LAMA1: variants seen among roughly 807,000 people sequenced by gnomAD.
The protein encoded by LAMA1 is laminin subunit alpha-1.
In LAMA1, 219 loss-of-function variants were observed where a neutral mutation model predicts 348.7. The observed-to-expected ratio is 0.63, with a 90% confidence interval of 0.56 to 0.70. The LOEUF (loss-of-function observed/expected upper bound fraction) is 0.70, where lower values mean the gene tolerates loss of function less well. Among genes scored for constraint, LAMA1 ranks in the 30% least tolerant of loss-of-function variants. The pLI is 0.00. For synonymous variants in LAMA1, 1,487 were observed against 1,491.0 expected (o/e 1.00, Z 0.06); for missense variants, 3,744 against 3,888.0 (o/e 0.96, Z 0.99).
chr18:6,977,833 A>C lies in LAMA1; in HGVS notation c.6239T>G (p.Leu2080Arg), dbSNP rs1239784187. Reference sequence around the variant, plus strand: ...CAAAGGCTTCAACCGATCAAACAAAAGGTTGGCTTGAATTTCCACGTCTTT... The same window carrying C: ...CAAAGGCTTCAACCGATCAAACAAACGGTTGGCTTGAATTTCCACGTCTTT... ...KVKDVEIQAN[L>R]LFDRLKPLKM... The change falls in exon 44 of 63, where the codon CTT (leucine) becomes CGT (arginine). Residue 2080 changes from leucine (L) to arginine (R), a missense_variant. Leu to Arg is a moderately radical substitution (Grantham distance 102). This residue lies in a region of LAMA1 where 1,983 missense variants were observed against 1,934.3 expected (regional missense o/e 1.03). Coordinates refer to ENST00000389658, the MANE Select transcript of LAMA1 (RefSeq NM_005559.4). 1.2e-6 allele frequency: 2 copies of C among 1,614,078 alleles called. No homozygotes were observed. Among genetic ancestry groups the C allele is most frequent in the East Asian group, 4.5e-5 (2 of 44,880 alleles).
intron 3 of LAMA1, among the ~76,000 whole-genome samples, chr18:7,055,493 A>C (rs967927087): frequency 3.3e-5 from 5 of 150,786 alleles, no homozygotes; most frequent in Non-Finnish European, 1.5e-5. Flanking sequence ...CCACGTACAC[A>C]CACATACACA....
At chr18:6,983,565 G>A (rs6650624) in intron 39 of LAMA1, among the ~76,000 whole-genome samples, 48,985 of 151,978 alleles carry the variant, frequency 0.32, 8,175 homozygotes, top group Non-Finnish European at 0.38. Context: ...TCCCCTGCGC[G>A]TGTCTAGGGC....
At chr18:7,030,710 T>G (rs2057964887) in intron 16 of LAMA1, among the ~76,000 whole-genome samples, 1 of 152,212 alleles carries the variant, frequency 6.6e-6, no homozygotes, top group Admixed American at 6.5e-5. Context: ...AGTTGCTATT[T>G]AGCATTATCA....
intron 36 of LAMA1, among the ~76,000 whole-genome samples, chr18:6,986,677 C>G (rs16950967): frequency 2.0e-5 from 3 of 151,814 alleles, no homozygotes; most frequent in African/African-American, 7.3e-5. Flanking sequence ...TTTACAGGCA[C>G]GGTGATCTTT....
intron 48 of LAMA1, among the ~76,000 whole-genome samples, chr18:6,971,624 TA>T (rs1339314881): frequency 1.3e-5 from 2 of 152,082 alleles, no homozygotes; most frequent in Non-Finnish European, 2.9e-5. Flanking sequence ...CATCTGACAA[TA>T]TAATATAATA....
In LAMA1 at chr18:6,977,820, C is replaced by T; in HGVS notation, c.6252G>A (p.Arg2084=). 1 of 1,614,122 alleles carries T rather than the reference C, an allele frequency of 6.2e-7. No homozygotes were observed. Among genetic ancestry groups the T allele is most frequent in the Non-Finnish European group, 8.5e-7 (1 of 1,180,038 alleles). Residue 2084 remains arginine (R), a synonymous_variant, in exon 44 of 63, where the codon CGG becomes CGA. Transcript: ENST00000389658. ...VEIQANLLFD[R]LKPLKMLEEN... is the part of the protein sequence containing the mutation. ...CCTCTAACATCTTCAAAGGCTTCAA[C>T]CGATCAAACAAAAGGTTGGCTTGAA...
At chr18:7,034,799 T>A in intron 13 of LAMA1, 109 bp from the exon 14 acceptor site, 2 of 930,944 alleles carry the variant, frequency 2.1e-6, no homozygotes, top group Non-Finnish European at 3.3e-6. Flanking sequence ...CGTGCCTAGC[T>A]TCTTGTGGCA....
intron 56 of LAMA1, chr18:6,955,874 C>T: frequency 5.7e-6 from 2 of 353,772 alleles, no homozygotes; most frequent in Non-Finnish European, 1.1e-5. Flanking sequence ...TGGAGGTGCC[C>T]ACAGGTGACA....
chr18:6,942,329 G>GT (rs1199025121), intron 62 of LAMA1, 90 bp from the exon 63 acceptor site: 3 of 1,400,894 alleles, frequency 2.1e-6, no homozygotes, highest in African/African-American at 2.9e-5. Flanking sequence ...TCTCAAGCGG[G>GT]TTTTTTTATT....
intron 3 of LAMA1, among the ~76,000 whole-genome samples, chr18:7,052,645 T>C (rs1356298399): frequency 6.6e-6 from 1 of 152,072 alleles, no homozygotes; most frequent in African/African-American, 2.4e-5. Context: ...GAGAATCACT[T>C]GAACCTGGGA....
intron 36 of LAMA1, 121 bp from the exon 37 acceptor site, chr18:6,986,468 T>C (rs1006809819): frequency 2.4e-6 from 2 of 841,804 alleles, no homozygotes; most frequent in Admixed American, 2.1e-5. Context: ...TTGTAAGTGA[T>C]ACATCATAAC....
chr18:7,051,307 T>C (rs778544432), intron 3 of LAMA1, among the ~76,000 whole-genome samples: 21 of 152,308 alleles, frequency 1.4e-4, no homozygotes, highest in Middle Eastern at 3.4e-3. Flanking sequence ...TTCTTTCACA[T>C]TGCATATGTA....
At chr18:7,067,535 A>T (rs1342964368) in intron 3 of LAMA1, among the ~76,000 whole-genome samples, 1 of 151,204 alleles carries the variant, frequency 6.6e-6, no homozygotes, top group Non-Finnish European at 1.5e-5. Flanking sequence ...GCAAGTGGGG[A>T]ATTGGCTGGG....
intron 1 of LAMA1, among the ~76,000 whole-genome samples, chr18:7,094,646 A>G (rs2058253487): frequency 6.6e-6 from 1 of 152,062 alleles, no homozygotes; most frequent in South Asian, 2.1e-4. Context: ...ACTATTTTTA[A>G]AGGCAATGTG....
At chr18:6,947,090 A>G (rs2057524970) in intron 61 of LAMA1, 73 bp downstream of exon 61, 2 of 1,585,078 alleles carry the variant, frequency 1.3e-6, no homozygotes, top group Non-Finnish European at 1.7e-6. Flanking sequence ...TGTGAATTTG[A>G]ATCTGCTGTT....
At chr18:7,040,053 G>A in intron 10 of LAMA1, 23 bp downstream of exon 10, 1 of 1,613,126 alleles carries the variant, frequency 6.2e-7, no homozygotes, top group Non-Finnish European at 8.5e-7. Flanking sequence ...AAGCTCAGGG[G>A]TGTCTCTGAC....
At chr18:6,983,925 G>A (rs562523250) in intron 39 of LAMA1, among the ~76,000 whole-genome samples, 36 of 152,240 alleles carry the variant, frequency 2.4e-4, no homozygotes, top group African/African-American at 7.7e-4. Flanking sequence ...TTCCCAGACC[G>A]AATATTAGCA....
chr18:7,032,018 C>T, intron 16 of LAMA1, 48 bp downstream of exon 16: 1 of 1,465,204 alleles, frequency 6.8e-7, no homozygotes, highest in East Asian at 2.3e-5. Flanking sequence ...CAGCAAATGG[C>T]TCTGAATTGA....
chr18:6,943,957 G>A (rs149501780), intron 61 of LAMA1, among the ~76,000 whole-genome samples: 6 of 152,100 alleles, frequency 3.9e-5, no homozygotes, highest in Non-Finnish European at 8.8e-5. Flanking sequence ...CCTTAAATGA[G>A]GGCCTCAATT....
Sources: allele counts gnomAD v4.1 joint callset (sites outside exome capture counted in the v4.1 genomes callset), GRCh38; gene constraint gnomAD v4.1.1; regional missense constraint gnomAD v4.1.1; transcripts MANE v1.5; gene names NCBI Gene and HGNC (gene_info 2026-07-23, HGNC 2026-07-21).